Variants in EEF1AKMT2 observed in about 807,000 individuals in gnomAD.
The protein encoded by EEF1AKMT2 is eukaryotic translation elongation factor 1 alpha lysine methyltransferase 2.
In EEF1AKMT2, 32 loss-of-function variants were observed where a neutral mutation model predicts 35.8. The ratio of observed to expected loss-of-function variants is 0.89; its 90% CI spans 0.67 to 1.20. The LOEUF (loss-of-function observed/expected upper bound fraction) is 1.20. EEF1AKMT2 is among the 50% of genes most tolerant of loss of function. The probability of loss-of-function intolerance (pLI) is 0.00; values close to 1 mark genes in which losing one functional copy is unlikely to be tolerated. For synonymous variants in EEF1AKMT2, 121 were observed against 133.7 expected (o/e 0.91, Z 0.65); for missense variants, 330 against 347.5 (o/e 0.95, Z 0.40).
intron 3 of EEF1AKMT2, among the ~76,000 whole-genome samples, chr10:124,782,642 T>C (rs1950552327): frequency 7.0e-6 from 1 of 143,394 alleles, no homozygotes; most frequent in South Asian, 2.2e-4. Flanking sequence ...CGAAACCCCG[T>C]CTGTACTAAA....
intron 3 of EEF1AKMT2, among the ~76,000 whole-genome samples, chr10:124,782,326 T>A (rs955196579): frequency 2.6e-5 from 4 of 151,814 alleles, no homozygotes; most frequent in African/African-American, 7.3e-5. Context: ...CTCACGCCTG[T>A]AATCCCAGCA....
At chr10:124,789,365 C>T (rs1304855443) in intron 2 of EEF1AKMT2, among the ~76,000 whole-genome samples, 1 of 152,176 alleles carries the variant, frequency 6.6e-6, no homozygotes, top group African/African-American at 2.4e-5. Flanking sequence ...TATTTACTAA[C>T]ATTTCTCTAT....
In EEF1AKMT2 at chr10:124,771,153, G is replaced by A. The variant is rs183306574; in HGVS notation, c.399+3522C>T. Among the ~76,000 whole-genome samples the A allele has an allele frequency of 5.2e-3, 780 of 151,172 alleles. 5 individuals are homozygous for A. The highest frequency in any genetic ancestry group is 0.018 in the African/African-American group (744 of 41,098). ...CTTGCTCTGTCGCCCAGGCTGGAGTGCAGCGGCTAGATCTCAGCTCACTGC... is the reference window on the plus strand; with the variant it reads ...CTTGCTCTGTCGCCCAGGCTGGAGTACAGCGGCTAGATCTCAGCTCACTGC... On this transcript the variant is annotated intron_variant, in intron 4 of 6. Transcript: ENST00000368836.
intron 6 of EEF1AKMT2, among the ~76,000 whole-genome samples, 162 bp downstream of exon 6, chr10:124,762,138 C>G (rs772634642): frequency 6.6e-6 from 1 of 152,116 alleles, no homozygotes; most frequent in African/African-American, 2.4e-5. Flanking sequence ...GCCTCTAATC[C>G]CAGCCTTAAG....
intron 3 of EEF1AKMT2, among the ~76,000 whole-genome samples, chr10:124,788,313 T>C (rs151024785): frequency 3.9e-5 from 6 of 152,222 alleles, no homozygotes; most frequent in Middle Eastern, 3.4e-3. Context: ...CTATATTCAG[T>C]GTATTACTGC....
At chr10:124,779,165 C>T (rs571761223) in intron 3 of EEF1AKMT2, among the ~76,000 whole-genome samples, 1 of 152,196 alleles carries the variant, frequency 6.6e-6, no homozygotes, top group Admixed American at 6.5e-5. Flanking sequence ...GGGTTTCCTT[C>T]TGTCACCCAG....
At position 124,765,378 on chromosome 10, in the gene EEF1AKMT2, A is replaced by G; in HGVS notation, c.616+14T>C. ...TGAGGTAAGCACACATTTAAACACC[A>G]TATAGTCACTTACCTTCACTGAATT... is the stretch of plus-strand genomic sequence containing the variant. On this transcript the variant is annotated intron_variant, in intron 5 of 6. Coordinates refer to ENST00000368836, the MANE Select transcript of EEF1AKMT2 (RefSeq NM_212554.4). 2 of 1,606,258 alleles carry G rather than the reference A, an allele frequency of 1.2e-6. No individual in the cohort carries two copies. The highest frequency in any genetic ancestry group is 1.7e-6 in the Non-Finnish European group (2 of 1,173,090).
chr10:124,757,166 C>CCACACA (rs55709011), downstream of EEF1AKMT2, among the ~76,000 whole-genome samples: 2,766 of 143,252 alleles, frequency 0.019, 46 homozygotes, highest in African/African-American at 0.034. Context: ...ACACTCCCTC[C>CCACACA]CACACACACA....
intron 3 of EEF1AKMT2, among the ~76,000 whole-genome samples, chr10:124,779,004 T>C (rs1589788763): frequency 1.3e-5 from 2 of 151,630 alleles, no homozygotes; most frequent in Non-Finnish European, 2.9e-5. Context: ...GCTGTTAATA[T>C]AACAAAAAGA....
intron 3 of EEF1AKMT2, among the ~76,000 whole-genome samples, chr10:124,779,091 A>C (rs950215418): frequency 1.6e-4 from 24 of 152,138 alleles, no homozygotes; most frequent in Admixed American, 1.6e-3. Flanking sequence ...TTGCCAAAAA[A>C]AAAAATCTAA....
rs879767182 is a variant in EEF1AKMT2, at chr10:124,759,648, T to G, written c.*855A>C. 2.6e-5 allele frequency: 4 copies of G among 152,194 alleles called. No homozygotes were observed. Among genetic ancestry groups the G allele is most frequent in the Non-Finnish European group, 4.4e-5 (3 of 68,042 alleles). The allele number at this position is 152,194 out of a possible 1,614,324, so 9.4% of individuals were successfully genotyped here. A position where few individuals can be genotyped will look rare whatever the true frequency, so the allele number is the denominator to read the frequency against. On this transcript the variant is annotated 3_prime_UTR_variant, in exon 7 of 7. Coordinates refer to ENST00000368836, the MANE Select transcript of EEF1AKMT2 (RefSeq NM_212554.4). ...TGAACCTCATAAAAGTGACTTCACTTCTCTCAGCTTCATTTTCCTTATACG... is the reference window on the plus strand; with the variant it reads ...TGAACCTCATAAAAGTGACTTCACTGCTCTCAGCTTCATTTTCCTTATACG...
intron 3 of EEF1AKMT2, chr10:124,782,887 C>A: frequency 6.0e-6 from 2 of 330,952 alleles, no homozygotes; most frequent in Non-Finnish European, 1.2e-5. Context: ...TCAATAATCA[C>A]ATTGAACATA....
chr10:124,788,713 T>TG (rs1950609395), intron 3 of EEF1AKMT2, among the ~76,000 whole-genome samples: 1 of 96,946 alleles, frequency 1.0e-5, no homozygotes, highest in African/African-American at 4.3e-5. Flanking sequence ...GTCATCTTTA[T>TG]ATATATATAT....
chr10:124,783,185 G>A (rs778477714), intron 3 of EEF1AKMT2, among the ~76,000 whole-genome samples: 1 of 139,268 alleles, frequency 7.2e-6, no homozygotes, highest in African/African-American at 2.8e-5. Flanking sequence ...CTGTCTCCCA[G>A]GCTGGAGTGC....
In EEF1AKMT2 at chr10:124,773,596, G is replaced by A. The variant is rs1446742691; in HGVS notation, c.399+1079C>T. ...TGTGTCCCAAGAAAGAAGGAGGCTT[G>A]AGGAGGAGGGAGGAAGATAGGAGAC... On this transcript the variant is annotated intron_variant, in intron 4 of 6. Coordinates refer to ENST00000368836, the MANE Select transcript of EEF1AKMT2 (RefSeq NM_212554.4). Among the ~76,000 whole-genome samples the A allele has an allele frequency of 2.6e-5, 4 of 152,146 alleles. No homozygotes were observed. In the South Asian group the frequency reaches 6.2e-4, roughly 24 times the overall value.
chr10:124,769,626 T>C (rs998383421), intron 4 of EEF1AKMT2, among the ~76,000 whole-genome samples: 5 of 152,114 alleles, frequency 3.3e-5, no homozygotes, highest in African/African-American at 9.7e-5. Flanking sequence ...GTCTATTAAG[T>C]GTGCAATAGC....
At chr10:124,766,944 G>A (rs577866497) in intron 4 of EEF1AKMT2, among the ~76,000 whole-genome samples, 4 of 151,864 alleles carry the variant, frequency 2.6e-5, no homozygotes, top group East Asian at 1.9e-4. Flanking sequence ...GGAGGATCAC[G>A]AGGTCAGGAG....
intron 4 of EEF1AKMT2, 131 bp from the exon 5 acceptor site, chr10:124,765,739 T>A (rs947386702): frequency 9.1e-6 from 6 of 662,634 alleles, no homozygotes; most frequent in African/African-American, 5.4e-5. Flanking sequence ...ATAATAAACA[T>A]ATTTTCAACT....
chr10:124,788,168 C>T (rs1408757182), intron 3 of EEF1AKMT2, among the ~76,000 whole-genome samples: 1 of 152,064 alleles, frequency 6.6e-6, no homozygotes, highest in African/African-American at 2.4e-5. Flanking sequence ...ATAATATTTC[C>T]ATTAGTTGAA....
Sources: allele counts gnomAD v4.1 joint callset (sites outside exome capture counted in the v4.1 genomes callset), GRCh38; gene constraint gnomAD v4.1.1; transcripts MANE v1.5; gene names NCBI Gene and HGNC (gene_info 2026-07-23, HGNC 2026-07-21).